TPP2: variants seen among roughly 807,000 people sequenced by gnomAD.
The protein encoded by TPP2 is tripeptidyl peptidase 2.
Under a neutral mutation model 155.9 loss-of-function variants are expected in TPP2, and 34 were observed. That is an observed-to-expected ratio of 0.22 (90% CI 0.17 to 0.29). The LOEUF is 0.29. Ranked by LOEUF, TPP2 falls within the 10% of genes least tolerant of loss-of-function variation. The pLI is 1.00. For missense variants in TPP2, 1,028 were observed against 1,522.3 expected, an observed-to-expected ratio of 0.68 and a Z score of 5.40; for synonymous variants, 510 against 529.4, an observed-to-expected ratio of 0.96 and a Z score of 0.50.
intron 1 of TPP2, among the ~76,000 whole-genome samples, chr13:102,597,887 T>C (rs768832721): frequency 1.3e-5 from 2 of 152,236 alleles, no homozygotes; most frequent in Admixed American, 6.5e-5. Context: ...CTTAGGGTCA[T>C]TGAATCTTGT....
intron 16 of TPP2, among the ~76,000 whole-genome samples, chr13:102,641,670 A>G (rs1882777886): frequency 6.6e-6 from 1 of 152,068 alleles, no homozygotes; most frequent in African/African-American, 2.4e-5. Flanking sequence ...GAAATACCAG[A>G]CTTTTCTTGT....
intron 5 of TPP2, among the ~76,000 whole-genome samples, chr13:102,621,812 C>G (rs1438966575): frequency 2.0e-5 from 3 of 152,128 alleles, no homozygotes; most frequent in Non-Finnish European, 4.4e-5. Flanking sequence ...AGATGACTTC[C>G]AGGATGGATG....
intron 10 of TPP2, among the ~76,000 whole-genome samples, chr13:102,633,385 A>C (rs898631117): frequency 2.7e-5 from 4 of 150,584 alleles, no homozygotes; most frequent in African/African-American, 1.0e-4. Flanking sequence ...CAAAAAAAAC[A>C]ATGTAAACTA....
At chr13:102,620,881 T>A (rs1196859894) in intron 5 of TPP2, among the ~76,000 whole-genome samples, 1 of 152,224 alleles carries the variant, frequency 6.6e-6, no homozygotes, top group Non-Finnish European at 1.5e-5. Flanking sequence ...TCATGTTTCC[T>A]TTTAGATTCT....
intron 10 of TPP2, among the ~76,000 whole-genome samples, chr13:102,633,679 CTG>C (rs1256990742): frequency 6.6e-6 from 1 of 152,176 alleles, no homozygotes; most frequent in Non-Finnish European, 1.5e-5. Flanking sequence ...ATACCTGACA[CTG>C]TGGCCTGTCA....
At chr13:102,652,442 AT>A (rs1566359193) in intron 24 of TPP2, among the ~76,000 whole-genome samples, 19 of 44,028 alleles carry the variant, frequency 4.3e-4, no homozygotes, top group African/African-American at 5.6e-4. Flanking sequence ...ATATATATAT[AT>A]ATATATATAT....
intron 2 of TPP2, chr13:102,607,914 G>A: frequency 5.5e-6 from 1 of 182,078 alleles, no homozygotes; most frequent in Non-Finnish European, 1.2e-5. Context: ...AATAGCTGCA[G>A]TAATCCCGGC....
chr13:102,640,781 G>C (rs186928392), intron 16 of TPP2, among the ~76,000 whole-genome samples: 110 of 151,460 alleles, frequency 7.3e-4, no homozygotes, highest in African/African-American at 2.5e-3. Context: ...CTCCCGAGTA[G>C]CTTGGACTAG....
rs1315751649 is a variant in TPP2 at position 102,678,577 on chromosome 13, C to G, written c.*261C>G. The G allele has an allele frequency of 3.1e-6, 1 of 327,538 alleles. No individual in the cohort carries two copies. The highest frequency in any genetic ancestry group is 5.6e-6 in the Non-Finnish European group (1 of 177,558). The allele number at this position is 327,538 out of a possible 1,614,324, so 20.3% of individuals were successfully genotyped here. Reference sequence around the variant, plus strand: ...CCCTGCCTGCCAGCACCTAGGACTTCGAGTTGGGTTGCAGCTTATGACATG... The same window carrying G: ...CCCTGCCTGCCAGCACCTAGGACTTGGAGTTGGGTTGCAGCTTATGACATG... On this transcript the variant is annotated 3_prime_UTR_variant, in exon 30 of 30. Coordinates refer to ENST00000376052, the MANE Select transcript of TPP2 (RefSeq NM_001330588.2).
intron 8 of TPP2, among the ~76,000 whole-genome samples, chr13:102,628,427 A>G (rs778569493): frequency 2.0e-5 from 3 of 152,126 alleles, no homozygotes; most frequent in East Asian, 1.9e-4. Context: ...AAATTTTGCT[A>G]TTCTCTTTAG....
rs540918330 is a variant in TPP2, at chr13:102,668,541, T to C, written c.3371+3616T>C. On this transcript the variant is annotated intron_variant, in intron 27 of 29. Coordinates refer to ENST00000376052, the MANE Select transcript of TPP2 (RefSeq NM_001330588.2). Reference sequence around the variant, plus strand: ...ATCAAGGAGTGACATGTAGTGTTTCTTGGCACCTCAGTCCAATGTGTGCTG... The same window carrying C: ...ATCAAGGAGTGACATGTAGTGTTTCCTGGCACCTCAGTCCAATGTGTGCTG... Among the ~76,000 whole-genome samples, 60 of 152,328 alleles carry C rather than the reference T, an allele frequency of 3.9e-4. 1 individual carries two copies. Among genetic ancestry groups the C allele is most frequent in the African/African-American group, 1.3e-3 (56 of 41,580 alleles).
chr13:102,625,561 A>G (rs926864155), intron 6 of TPP2, among the ~76,000 whole-genome samples: 2 of 152,200 alleles, frequency 1.3e-5, no homozygotes, highest in Non-Finnish European at 2.9e-5. Context: ...ATCCTCAGCA[A>G]CACTTGCTGT....
chr13:102,667,022 T>C (rs990415212), intron 27 of TPP2, among the ~76,000 whole-genome samples: 1 of 152,158 alleles, frequency 6.6e-6, no homozygotes, highest in Admixed American at 6.5e-5. Flanking sequence ...AGGTTGTGTT[T>C]GGACAGAAGA....
intron 27 of TPP2, among the ~76,000 whole-genome samples, chr13:102,672,643 G>C (rs1196206182): frequency 1.3e-5 from 2 of 152,096 alleles, no homozygotes; most frequent in Non-Finnish European, 2.9e-5. Flanking sequence ...ACAAAATCAG[G>C]ATAGTAGTTG....
At chr13:102,601,081 A>G (rs1339962268) in intron 1 of TPP2, among the ~76,000 whole-genome samples, 1 of 152,060 alleles carries the variant, frequency 6.6e-6, no homozygotes, top group Non-Finnish European at 1.5e-5. Flanking sequence ...TTGTAGAGAC[A>G]GGGTCTCACT....
rs373143538 is a variant in TPP2 at position 102,597,173 on chromosome 13, G to A, written c.135G>A (p.Thr45=). ...GGGTGCTCATCGCAGTCCTGGACAC[G>A]GGGGTCGACCCGGGGGCTCCGGGCA... ...GRGVLIAVLD[T]GVDPGAPGMQ... The change falls in exon 1 of 30, where the codon ACG becomes ACA. Residue 45 remains threonine, a synonymous_variant. Transcript: ENST00000376052. The A allele has an allele frequency of 9.0e-6, 14 of 1,556,176 alleles. No individual in the cohort carries two copies. The African/African-American group carries it at 1.7e-4, about 19-fold the overall frequency.
chr13:102,637,086 C>T lies in TPP2; in HGVS notation c.1683C>T (p.Asn561=). Residue 561 remains asparagine, a synonymous_variant, in exon 14 of 30, where the codon AAC becomes AAT. Coordinates refer to ENST00000376052, the MANE Select transcript of TPP2 (RefSeq NM_001330588.2). The stretch of plus-strand genomic sequence containing the variant: ...TTTTGGTCTTTTTCGTGCCAGAAAA[C>T]TCTGAAAAAATATCCCTTCAGCTTC... ...IEPVFPENTE[N]SEKISLQLHL... 6.3e-7 allele frequency: 1 copy of T among 1,579,206 alleles called. No homozygotes were observed. Among genetic ancestry groups the T allele is most frequent in the Non-Finnish European group, 8.5e-7 (1 of 1,169,708 alleles).
intron 3 of TPP2, among the ~76,000 whole-genome samples, chr13:102,615,537 C>T (rs895941741): frequency 6.6e-6 from 1 of 152,138 alleles, no homozygotes; most frequent in Non-Finnish European, 1.5e-5. Flanking sequence ...TGGACTGTTC[C>T]TTTAGCTGCG....
In TPP2 at chr13:102,618,821, G is replaced by C. The variant is rs372073853; in HGVS notation, c.595G>C (p.Val199Leu). ...TCCTGGCCCTGTATATGACTGCTTG[G>C]TATGGCATGATGGCGAAGTCTGGAG... ...SDPGPVYDCL[V>L]WHDGEVWRAC... Residue 199 changes from valine to leucine, a missense_variant, in exon 5 of 30, where the codon GTA becomes CTA. By Grantham distance (32) the Val-to-Leu change is conservative. Around this residue, in one of 7 missense-constraint regions of TPP2, gnomAD observed 300 missense variants for 398.3 expected, o/e 0.75. Coordinates refer to ENST00000376052, the MANE Select transcript of TPP2 (RefSeq NM_001330588.2). 3.1e-6 allele frequency: 5 copies of C among 1,611,040 alleles called. No individual in the cohort carries two copies. The highest frequency in any genetic ancestry group is 4.2e-6 in the Non-Finnish European group (5 of 1,179,048).
Sources: allele counts gnomAD v4.1 joint callset (sites outside exome capture counted in the v4.1 genomes callset), GRCh38; gene constraint gnomAD v4.1.1; regional missense constraint gnomAD v4.1.1; transcripts MANE v1.5; gene names NCBI Gene and HGNC (gene_info 2026-07-23, HGNC 2026-07-21).